FGF14: variants seen among roughly 807,000 people sequenced by gnomAD.
FGF14 encodes the protein fibroblast growth factor homologous factor 4.
In FGF14, 5 loss-of-function variants were observed where a neutral mutation model predicts 25.5. That is an observed-to-expected ratio of 0.20 (90% CI 0.10 to 0.41). The LOEUF (loss-of-function observed/expected upper bound fraction) is 0.41. Among genes scored for constraint, FGF14 ranks in the 10% least tolerant of loss-of-function variants. The pLI is 1.00. For missense variants in FGF14, 222 were observed against 320.1 expected (o/e 0.69, Z 2.34); for synonymous variants, 138 against 118.3 (o/e 1.17, Z -1.08).
At chr13:101,966,814 G>A (rs1484444421) in intron 1 of FGF14, among the ~76,000 whole-genome samples, 1 of 152,116 alleles carries the variant, frequency 6.6e-6, no homozygotes, top group Non-Finnish European at 1.5e-5. Context: ...AGTTGTTGAT[G>A]CTTTCTTAGG....
At chr13:101,808,243 T>C (rs1426312317) in intron 3 of FGF14, among the ~76,000 whole-genome samples, 2 of 152,082 alleles carry the variant, frequency 1.3e-5, no homozygotes, top group Non-Finnish European at 2.9e-5. Flanking sequence ...CATCTGTGAA[T>C]CTACTAAATA....
chr13:102,146,499 A>T (rs2046861934), intron 1 of FGF14, among the ~76,000 whole-genome samples: 1 of 152,184 alleles, frequency 6.6e-6, no homozygotes, highest in Non-Finnish European at 1.5e-5. Context: ...ATACTTTTGA[A>T]GCTGCCTTTA....
At chr13:102,019,594 GTC>G (rs1353365118) in intron 1 of FGF14, among the ~76,000 whole-genome samples, 2 of 152,118 alleles carry the variant, frequency 1.3e-5, no homozygotes, top group Non-Finnish European at 2.9e-5. Flanking sequence ...ATTCAAACAG[GTC>G]TCTGTTTCCA....
intron 1 of FGF14, among the ~76,000 whole-genome samples, chr13:101,901,579 C>T (rs932864483): frequency 6.6e-6 from 1 of 152,106 alleles, no homozygotes; most frequent in African/African-American, 2.4e-5. Flanking sequence ...TGGTGTGCAC[C>T]TGTAACCCCA....
intron 3 of FGF14, among the ~76,000 whole-genome samples, chr13:101,842,156 T>C (rs1221058454): frequency 6.6e-6 from 1 of 151,938 alleles, no homozygotes; most frequent in Non-Finnish European, 1.5e-5. Flanking sequence ...AAAAAGCAAT[T>C]AAGCTCCATA....
At chr13:102,052,996 A>C (rs1566624181) in intron 1 of FGF14, among the ~76,000 whole-genome samples, 1 of 152,138 alleles carries the variant, frequency 6.6e-6, no homozygotes, top group African/African-American at 2.4e-5. Context: ...TACAATATAA[A>C]AAGATGTAAA....
intron 3 of FGF14, among the ~76,000 whole-genome samples, chr13:101,857,126 T>A (rs766372049): frequency 1.1e-4 from 16 of 152,048 alleles, no homozygotes; most frequent in South Asian, 8.3e-4. Flanking sequence ...CACCAATTTA[T>A]TGGGTTAGTA....
chr13:101,943,239 C>G (rs183470634), intron 1 of FGF14, among the ~76,000 whole-genome samples: 2 of 152,296 alleles, frequency 1.3e-5, no homozygotes, highest in Admixed American at 1.3e-4. Flanking sequence ...CATACTGACT[C>G]TCAGTATAAT....
chr13:102,128,814 G>A (rs1335716461), intron 1 of FGF14, among the ~76,000 whole-genome samples: 1 of 152,216 alleles, frequency 6.6e-6, no homozygotes, highest in Non-Finnish European at 1.5e-5. Context: ...TGGGCAAGGT[G>A]ACTCATGCAT....
chr13:102,133,924 A>G (rs566680254), intron 1 of FGF14, among the ~76,000 whole-genome samples: 1 of 152,344 alleles, frequency 6.6e-6, no homozygotes, highest in East Asian at 1.9e-4. Context: ...GACACGCTTC[A>G]CTTTTCTTGA....
chr13:102,371,500 C>A (rs2057882901), intron 1 of FGF14, among the ~76,000 whole-genome samples: 1 of 152,182 alleles, frequency 6.6e-6, no homozygotes, highest in South Asian at 2.1e-4. Flanking sequence ...GTGAAACCTC[C>A]ATCAGACTAC....
intron 1 of FGF14, among the ~76,000 whole-genome samples, chr13:102,025,599 G>T (rs1595035554): frequency 6.6e-6 from 1 of 152,018 alleles, no homozygotes; most frequent in East Asian, 1.9e-4. Context: ...AGTAGAGTCA[G>T]GATTTCCTCA....
chr13:102,274,935 ATAGCATTTTACTCG>A (rs1737369201), intron 1 of FGF14, among the ~76,000 whole-genome samples: 1 of 151,386 alleles, frequency 6.6e-6, no homozygotes, highest in Admixed American at 6.6e-5. Flanking sequence ...GACGAGTAAA[ATAGCATTTTACTCG>A]TAATAGCATT....
chr13:102,315,225 A>G (rs1210704176), intron 1 of FGF14, among the ~76,000 whole-genome samples: 6 of 152,146 alleles, frequency 3.9e-5, no homozygotes, highest in Admixed American at 3.9e-4. Flanking sequence ...AAAATCTGGC[A>G]TTCCTCCTTT....
intron 1 of FGF14, among the ~76,000 whole-genome samples, chr13:101,991,324 A>T (rs1460118762): frequency 6.6e-6 from 1 of 152,140 alleles, no homozygotes. Context: ...AATCTGATGA[A>T]ATCAGTGTAA....
chr13:102,020,888 G>C (rs2040609044), intron 1 of FGF14, among the ~76,000 whole-genome samples: 1 of 151,442 alleles, frequency 6.6e-6, no homozygotes, highest in South Asian at 2.1e-4. Flanking sequence ...CATAAGAAGG[G>C]AATGAGGAAA....
chr13:102,022,413 G>A (rs746556450), intron 1 of FGF14, among the ~76,000 whole-genome samples: 2 of 152,008 alleles, frequency 1.3e-5, no homozygotes, highest in African/African-American at 2.4e-5. Flanking sequence ...TAAGAGCAAG[G>A]AATCATTGAG....
intron 1 of FGF14, among the ~76,000 whole-genome samples, chr13:102,134,743 T>G (rs1169099586): frequency 6.6e-6 from 1 of 152,204 alleles, no homozygotes; most frequent in Non-Finnish European, 1.5e-5. Flanking sequence ...CAAAATTGAG[T>G]ATTTGTTCGT....
At chr13:102,002,457 G>A (rs1445450638) in intron 1 of FGF14, 1 of 156,258 alleles carries the variant, frequency 6.4e-6, no homozygotes, top group Non-Finnish European at 1.4e-5. Context: ...ACTGTGATAT[G>A]GATAGTATCA....
Sources: allele counts gnomAD v4.1 joint callset (sites outside exome capture counted in the v4.1 genomes callset), GRCh38; gene constraint gnomAD v4.1.1; transcripts MANE v1.5; gene names NCBI Gene and HGNC (gene_info 2026-07-23, HGNC 2026-07-21).